Variants in DGKB observed in about 807,000 individuals in gnomAD.
DGKB encodes the protein 90 kDa diacylglycerol kinase.
DGKB carries 67 observed loss-of-function variants against 114.3 expected under a neutral mutation model. That is an observed-to-expected ratio of 0.59 (90% CI 0.48 to 0.72). The LOEUF (loss-of-function observed/expected upper bound fraction) is 0.72, where lower values mean the gene tolerates loss of function less well. Among genes scored for constraint, DGKB ranks in the 30% least tolerant of loss-of-function variants. The pLI, the probability that DGKB is intolerant of heterozygous loss-of-function variation, is 0.00. For synonymous variants in DGKB, 398 were observed against 323.1 expected (o/e 1.23, Z -2.49); for missense variants, 907 against 975.2 (o/e 0.93, Z 0.93).
At position 14,177,554 on chromosome 7, in the gene DGKB, C is replaced by CAAAAAAA. The variant is rs56019837; in HGVS notation, c.2243+470_2243+476dup. Reference sequence around the variant, plus strand: ...GGGCAACAAGAGTGAAACTCCGTCTCAAAAAAAAAAAAAAAAAAAAAAAAA... The same window carrying CAAAAAAA: ...GGGCAACAAGAGTGAAACTCCGTCTCAAAAAAAAAAAAAAAAAAAAAAAAAAAAAAAA... On this transcript the variant is annotated intron_variant, in intron 24 of 25. Transcript: ENST00000402815. 3.2e-4 allele frequency among the ~76,000 whole-genome samples: 22 copies of CAAAAAAA among 69,026 alleles called. 1 individual carries two copies. Among genetic ancestry groups the CAAAAAAA allele is most frequent in the Admixed American group, 4.6e-4 (2 of 4,310 alleles). The allele number at this position is 69,026 out of a possible 152,430, so 45.3% of individuals were successfully genotyped here.
intron 20 of DGKB, 128 bp downstream of exon 20, chr7:14,574,084 A>C: frequency 3.0e-6 from 2 of 665,066 alleles, no homozygotes; most frequent in Non-Finnish European, 4.9e-6. Flanking sequence ...GCCTATTAGA[A>C]GAGATGTTTT....
intron 1 of DGKB, among the ~76,000 whole-genome samples, chr7:14,852,449 T>G (rs1369913555): frequency 1.4e-5 from 1 of 70,006 alleles, no homozygotes; most frequent in Non-Finnish European, 2.6e-5. Flanking sequence ...CTTCTTGCTT[T>G]GGACTTTGCA....
intron 20 of DGKB, among the ~76,000 whole-genome samples, chr7:14,497,953 G>T (rs1237196956): frequency 6.6e-6 from 1 of 151,770 alleles, no homozygotes; most frequent in Non-Finnish European, 1.5e-5. Flanking sequence ...CATACGTTTT[G>T]TTGTACATTT....
chr7:14,424,403 C>CT (rs34985830), intron 21 of DGKB, among the ~76,000 whole-genome samples: 163 of 149,600 alleles, frequency 1.1e-3, no homozygotes, highest in South Asian at 6.4e-3. Context: ...TTTTCTTCAT[C>CT]TTTTTTTTTT....
At chr7:14,401,987 C>CACACACA (rs1384263066) in intron 21 of DGKB, among the ~76,000 whole-genome samples, 13 of 149,836 alleles carry the variant, frequency 8.7e-5, no homozygotes, top group Admixed American at 1.3e-4. Context: ...CACACACACA[C>CACACACA]CCGCTATTCA....
At chr7:14,943,547 G>A (rs1024747558) in intron 1 of DGKB, among the ~76,000 whole-genome samples, 1 of 151,584 alleles carries the variant, frequency 6.6e-6, no homozygotes, top group Non-Finnish European at 1.5e-5. Flanking sequence ...CTAAACTTGG[G>A]TTTTTAGATG....
intron 8 of DGKB, among the ~76,000 whole-genome samples, 191 bp downstream of exon 8, chr7:14,697,900 AAGAG>A (rs778417818): frequency 2.2e-4 from 28 of 129,348 alleles, no homozygotes; most frequent in Non-Finnish European, 3.4e-4. Context: ...AAGAAAGAGA[AAGAG>A]AGAAGGAAGG....
chr7:14,689,207 T>TATTTATTTTA (rs71004326), intron 9 of DGKB, among the ~76,000 whole-genome samples: 13 of 125,020 alleles, frequency 1.0e-4, no homozygotes, highest in Non-Finnish European at 1.8e-5. Flanking sequence ...TTATTTTTTT[T>TATTTATTTTA]TTTTTTTTTT....
chr7:14,806,393 G>A (rs564944696), intron 2 of DGKB, among the ~76,000 whole-genome samples: 43 of 152,082 alleles, frequency 2.8e-4, no homozygotes, highest in South Asian at 2.1e-4. Flanking sequence ...TCTTGTATAC[G>A]TATAAATTAA....
At chr7:14,638,445 A>G (rs1375121357) in intron 13 of DGKB, among the ~76,000 whole-genome samples, 1 of 152,168 alleles carries the variant, frequency 6.6e-6, no homozygotes, top group East Asian at 1.9e-4. Flanking sequence ...TACTTGATAT[A>G]TATGTTACTG....
chr7:14,968,346 G>C (rs1051010809), intron 1 of DGKB, among the ~76,000 whole-genome samples: 16 of 151,990 alleles, frequency 1.1e-4, no homozygotes, highest in African/African-American at 3.9e-4. Flanking sequence ...CTTGAATCAA[G>C]CTAAATGTAA....
At position 14,738,826 on chromosome 7, in the gene DGKB, G is replaced by T. The variant is rs561943944; in HGVS notation, c.169-2632C>A. 2.0e-5 allele frequency among the ~76,000 whole-genome samples: 3 copies of T among 152,230 alleles called. No homozygotes were observed. In the South Asian group the frequency reaches 6.2e-4, roughly 32 times the overall value. On this transcript the variant is annotated intron_variant, in intron 4 of 25. Transcript: ENST00000402815. The stretch of plus-strand genomic sequence containing the variant: ...AGAAATTGGTGAAAGTTTTTCTCTG[G>T]ATCTGCTTTTGGACCATAATTATAC...
In DGKB at chr7:14,868,106, G is replaced by A. The variant is rs115830745; in HGVS notation, c.-187-26656C>T. Among the ~76,000 whole-genome samples the A allele has an allele frequency of 4.3e-3, 647 of 152,118 alleles. 5 individuals carry two copies. Among genetic ancestry groups the A allele is most frequent in the African/African-American group, 0.015 (610 of 41,458 alleles). ...CATTTCATCATCAACATATGTCCATGTAACTAGACCTTCTTCTTCTGGCTC... is the reference window on the plus strand; with the variant it reads ...CATTTCATCATCAACATATGTCCATATAACTAGACCTTCTTCTTCTGGCTC... On this transcript the variant is annotated intron_variant, in intron 1 of 25. Transcript: ENST00000402815.
intron 23 of DGKB, among the ~76,000 whole-genome samples, chr7:14,267,847 C>T (rs38268): frequency 0.56 from 84,787 of 151,946 alleles, 26,366 homozygotes; most frequent in East Asian, 0.99. Context: ...ATAACTAGAA[C>T]ATAGGGTAAA....
At chr7:14,170,134 C>CAA (rs762339951) in intron 25 of DGKB, among the ~76,000 whole-genome samples, 23 of 33,088 alleles carry the variant, frequency 7.0e-4, no homozygotes, top group African/African-American at 1.6e-3. Flanking sequence ...AACTCCATCT[C>CAA]AAAAAAAAAA....
At chr7:14,450,852 G>A (rs919177657) in intron 21 of DGKB, among the ~76,000 whole-genome samples, 1 of 152,018 alleles carries the variant, frequency 6.6e-6, no homozygotes, top group Non-Finnish European at 1.5e-5. Flanking sequence ...CTTGAACAAT[G>A]TGGACTCAAA....
chr7:14,280,561 G>C (rs1251843853), intron 23 of DGKB, among the ~76,000 whole-genome samples: 3 of 149,970 alleles, frequency 2.0e-5, no homozygotes, highest in Non-Finnish European at 4.4e-5. Context: ...ATAATTGTCA[G>C]ATTCACCAAA....
At chr7:14,537,946 G>A (rs139012632) in intron 20 of DGKB, among the ~76,000 whole-genome samples, 1,611 of 152,052 alleles carry the variant, frequency 0.011, 29 homozygotes, top group African/African-American at 0.035. Flanking sequence ...CAGGCGTGGC[G>A]GCGCATGCCT....
chr7:14,613,083 G>C (rs376606666), intron 16 of DGKB, among the ~76,000 whole-genome samples: 1 of 152,056 alleles, frequency 6.6e-6, no homozygotes, highest in South Asian at 2.1e-4. Flanking sequence ...CTCTTTGTTA[G>C]GGGATAGGGG....
Sources: gnomAD v4.1 joint callset for allele counts (sites outside exome capture counted in the v4.1 genomes callset) on GRCh38, gnomAD v4.1.1 for gene constraint, MANE v1.5 for transcripts, NCBI Gene and HGNC (gene_info 2026-07-23, HGNC 2026-07-21) for gene names.